The following PLEKHA2 variants were observed in gnomAD, a reference collection of about 807,000 sequenced individuals.
The protein encoded by PLEKHA2 is pleckstrin homology domain containing A2.
PLEKHA2 carries 28 observed loss-of-function variants against 53.2 expected under a neutral mutation model. That is an observed-to-expected ratio of 0.53 (90% CI 0.39 to 0.72). The LOEUF is 0.72. PLEKHA2 is among the 30% of genes least tolerant of loss of function. PLEKHA2 has a pLI of 0.00. For missense variants in PLEKHA2, 426 were observed against 537.9 expected (o/e 0.79, Z 2.06); for synonymous variants, 193 against 196.4 (o/e 0.98, Z 0.14).
At chr8:38,940,805 A>G (rs1443924460) in intron 3 of PLEKHA2, among the ~76,000 whole-genome samples, 1 of 152,020 alleles carries the variant, frequency 6.6e-6, no homozygotes, top group African/African-American at 2.4e-5. Flanking sequence ...ACCTTTGCTC[A>G]AATCATCATT....
In PLEKHA2 at chr8:38,969,533, C is replaced by T. The variant is rs1244379720; in HGVS notation, c.1028C>T (p.Ala343Val). The change falls in exon 12 of 12, where the codon GCC (alanine) becomes GTC (valine). Residue 343 changes from alanine to valine, a missense_variant. Coordinates refer to ENST00000617275, the MANE Select transcript of PLEKHA2 (RefSeq NM_021623.2). ...RGRPPLEEKK[A>V]LCKAPSVASS... Reference sequence around the variant, plus strand: ...CGGCCACCTTTGGAGGAAAAGAAAGCCCTCTGCAAAGCCCCCTCTGTGGCC... The same window carrying T: ...CGGCCACCTTTGGAGGAAAAGAAAGTCCTCTGCAAAGCCCCCTCTGTGGCC... 6 of 1,613,028 alleles carry T rather than the reference C, an allele frequency of 3.7e-6. No homozygotes were observed. The African/African-American group carries it at 6.7e-5, about 18-fold the overall frequency.
At chr8:38,930,972 T>A (rs1407849650) in intron 2 of PLEKHA2, among the ~76,000 whole-genome samples, 1 of 152,128 alleles carries the variant, frequency 6.6e-6, no homozygotes, top group East Asian at 1.9e-4. Context: ...CGTCTTAGTT[T>A]GTTTAGAAAT....
intron 2 of PLEKHA2, among the ~76,000 whole-genome samples, chr8:38,931,717 A>C (rs1834396176): frequency 6.6e-6 from 1 of 152,132 alleles, no homozygotes; most frequent in Non-Finnish European, 1.5e-5. Flanking sequence ...AAAATTAAGG[A>C]GTCCCCTCTG....
At chr8:38,930,515 A>G (rs1834372066) in intron 2 of PLEKHA2, among the ~76,000 whole-genome samples, 3 of 152,308 alleles carry the variant, frequency 2.0e-5, no homozygotes, top group South Asian at 4.1e-4. Context: ...AAAACCACCT[A>G]TCTTTTAACA....
chr8:38,915,606 A>G (rs998141524), intron 1 of PLEKHA2, among the ~76,000 whole-genome samples: 4 of 152,196 alleles, frequency 2.6e-5, no homozygotes, highest in African/African-American at 4.8e-5. Flanking sequence ...CTCCAAATAT[A>G]GCCACATTTT....
chr8:38,938,542 A>AGTCCCCCGC, intron 3 of PLEKHA2, among the ~76,000 whole-genome samples: 1 of 152,350 alleles, frequency 6.6e-6, no homozygotes, highest in Admixed American at 6.5e-5. Flanking sequence ...CTGGCCGCTG[A>AGTCCCCCGC]CGAGCTTGCA....
intron 4 of PLEKHA2, among the ~76,000 whole-genome samples, chr8:38,945,793 G>A (rs1029191246): frequency 3.3e-5 from 5 of 152,162 alleles, no homozygotes; most frequent in African/African-American, 4.8e-5. Flanking sequence ...TATTAGCACC[G>A]CCAGAATGCG....
At chr8:38,947,916 G>A (rs1834745425) in intron 5 of PLEKHA2, among the ~76,000 whole-genome samples, 1 of 151,684 alleles carries the variant, frequency 6.6e-6, no homozygotes, top group Non-Finnish European at 1.5e-5. Context: ...GTGAAACCCC[G>A]TCTCTACTAA....
At chr8:38,945,267 C>T (rs1054318841) in intron 4 of PLEKHA2, among the ~76,000 whole-genome samples, 5 of 152,148 alleles carry the variant, frequency 3.3e-5, no homozygotes, top group Admixed American at 1.3e-4. Context: ...TATTCCTCTG[C>T]CTTGTCACTG....
In PLEKHA2 at chr8:38,914,678, C is replaced by A. The variant is rs147830561; in HGVS notation, c.-23-3229C>A. On this transcript the variant is annotated intron_variant, in intron 1 of 11. Transcript: ENST00000617275. ...GGTGCTTTGGGATCCCTTGTGGGAC[C>A]CTTGTCCCACGTCAGCACTGGGTGT... Among the ~76,000 whole-genome samples the A allele has an allele frequency of 3.0e-3, 454 of 152,340 alleles. 3 individuals are homozygous for A. The highest frequency in any genetic ancestry group is 3.1e-3 in the Non-Finnish European group (213 of 68,028).
chr8:38,910,216 C>T lies in PLEKHA2; in HGVS notation c.-23-7691C>T, dbSNP rs137923791. On this transcript the variant is annotated intron_variant, in intron 1 of 11. Coordinates refer to ENST00000617275, the MANE Select transcript of PLEKHA2 (RefSeq NM_021623.2). ...AAGTGATCAGCCCGCCTTGGCCTCC[C>T]GAAGTGCTGGGATTACAGGCATGAG... 5.1e-4 allele frequency among the ~76,000 whole-genome samples: 77 copies of T among 152,248 alleles called. 1 individual carries two copies. The East Asian group carries it at 0.014, about 27-fold the overall frequency.
chr8:38,937,431 G>A lies in PLEKHA2; in HGVS notation c.198+1381G>A, dbSNP rs184222883. Among the ~76,000 whole-genome samples the A allele has an allele frequency of 1.2e-3, 180 of 152,306 alleles. 3 individuals are homozygous for A. In the East Asian group the frequency reaches 0.028, roughly 24 times the overall value. On this transcript the variant is annotated intron_variant, in intron 3 of 11. Transcript: ENST00000617275. ...CGGAGATGGAGAATTGAGAGCAGAG[G>A]AGCAGAGAACCTCGCAGTAATAAAG... is the stretch of plus-strand genomic sequence containing the variant.
At chr8:38,940,111 A>T (rs920348651) in intron 3 of PLEKHA2, among the ~76,000 whole-genome samples, 4 of 149,830 alleles carry the variant, frequency 2.7e-5, no homozygotes, top group Non-Finnish European at 5.9e-5. Flanking sequence ...AAAAAAAAAA[A>T]AAAGGGCCAG....
chr8:38,918,565 ACACACACATG>A (rs1350532147), intron 2 of PLEKHA2, among the ~76,000 whole-genome samples: 1 of 71,046 alleles, frequency 1.4e-5, no homozygotes, highest in Non-Finnish European at 3.2e-5. Context: ...CACACATTAT[ACACACACATG>A]CACACACATG....
intron 10 of PLEKHA2, among the ~76,000 whole-genome samples, chr8:38,963,589 A>G (rs1835078188): frequency 6.6e-6 from 1 of 152,202 alleles, no homozygotes; most frequent in African/African-American, 2.4e-5. Context: ...AGGAGAGATT[A>G]TAGGCCAGGC....
chr8:38,941,645 G>A (rs1468473553), intron 3 of PLEKHA2, among the ~76,000 whole-genome samples: 2 of 152,186 alleles, frequency 1.3e-5, no homozygotes, highest in Non-Finnish European at 2.9e-5. Flanking sequence ...CTGTGTTGAT[G>A]TGTGGAGTGA....
intron 10 of PLEKHA2, among the ~76,000 whole-genome samples, chr8:38,967,664 CTTTT>C (rs1300367568): frequency 7.0e-6 from 1 of 141,998 alleles, no homozygotes; most frequent in Admixed American, 7.0e-5. Context: ...CCTTTGCTCA[CTTTT>C]TTTTTTTTTT....
intron 1 of PLEKHA2, among the ~76,000 whole-genome samples, chr8:38,912,286 A>G (rs1324553380): frequency 1.3e-5 from 2 of 152,248 alleles, no homozygotes; most frequent in Non-Finnish European, 2.9e-5. Flanking sequence ...CCTGGGCGAC[A>G]AAAGCAAAAC....
chr8:38,957,464 G>C, intron 10 of PLEKHA2, 78 bp downstream of exon 10: 1 of 1,270,272 alleles, frequency 7.9e-7, no homozygotes, highest in Non-Finnish European at 1.1e-6. Context: ...CCTTTCCTTT[G>C]CTTTCTCTTT....
Sources: gnomAD v4.1 joint callset for allele counts (sites outside exome capture counted in the v4.1 genomes callset) on GRCh38, gnomAD v4.1.1 for gene constraint, MANE v1.5 for transcripts, NCBI Gene and HGNC (gene_info 2026-07-23, HGNC 2026-07-21) for gene names.